Variants in DLGAP2 observed in about 807,000 individuals in gnomAD.
DLGAP2 encodes the protein DLG associated protein 2.
DLGAP2 carries 26 observed loss-of-function variants against 100.3 expected under a neutral mutation model. That is an observed-to-expected ratio of 0.26 (90% CI 0.19 to 0.36). The LOEUF is 0.36. Ranked by LOEUF, DLGAP2 falls within the 10% of genes least tolerant of loss-of-function variation. DLGAP2 has a pLI of 1.00. For synonymous variants in DLGAP2, 886 were observed against 630.1 expected (o/e 1.41, Z -6.08); for missense variants, 1,858 against 1,453.2 (o/e 1.28, Z -4.53).
At chr8:1,650,771 G>A (rs1189803554) in intron 8 of DLGAP2, among the ~76,000 whole-genome samples, 2 of 148,590 alleles carry the variant, frequency 1.3e-5, no homozygotes, top group Non-Finnish European at 3.0e-5. Flanking sequence ...AAGCTTGGGT[G>A]GCAGTTGCTG....
intron 6 of DLGAP2, among the ~76,000 whole-genome samples, chr8:1,584,709 G>T (rs1381479482): frequency 6.6e-6 from 1 of 152,132 alleles, no homozygotes; most frequent in African/African-American, 2.4e-5. Flanking sequence ...CTTGGCACTT[G>T]CTCCTGGGGG....
intron 2 of DLGAP2, among the ~76,000 whole-genome samples, chr8:1,121,643 A>T (rs1163858714): frequency 6.6e-6 from 1 of 151,766 alleles, no homozygotes; most frequent in Non-Finnish European, 1.5e-5. Flanking sequence ...AGAACCCCTG[A>T]TCACCCATCC....
Position 840,610 on chromosome 8 carries a change from GAGCGCGTCCACACGGTGCACGCCTGCA to G in DLGAP2, c.19-67301_19-67275del, listed in dbSNP as rs1563058272. Among the ~76,000 whole-genome samples the G allele has an allele frequency of 3.4e-4, 31 of 90,914 alleles. 1 individual carries two copies. The highest frequency in any genetic ancestry group is 6.4e-4 in the Non-Finnish European group (25 of 38,956). 59.6% of individuals were successfully genotyped at this position (90,914 alleles called of 152,430 possible). A position where few individuals can be genotyped will look rare whatever the true frequency, so the allele number is the denominator to read the frequency against. ...CGTCTCCCCACACTCTGGATTCTGCGAGCGCGTCCACACGGTGCACGCCTGCATGTCTCCCTACACTCTGGATTCTGC... is the reference window on the plus strand; with the variant it reads ...CGTCTCCCCACACTCTGGATTCTGCGTGTCTCCCTACACTCTGGATTCTGC... On this transcript the variant is annotated intron_variant, in intron 1 of 14. Transcript: ENST00000637795.
intron 5 of DLGAP2, among the ~76,000 whole-genome samples, chr8:1,556,820 A>G (rs777417229): frequency 2.0e-5 from 3 of 152,192 alleles, no homozygotes; most frequent in Admixed American, 6.5e-5. Flanking sequence ...TTCCCACCCA[A>G]GCTAAATTGT....
At chr8:1,101,392 G>A (rs1804573649) in intron 2 of DLGAP2, among the ~76,000 whole-genome samples, 1 of 152,172 alleles carries the variant, frequency 6.6e-6, no homozygotes, top group Non-Finnish European at 1.5e-5. Flanking sequence ...GCTACAAAGT[G>A]GATGAACCTT....
At chr8:1,108,636 C>G (rs562259002) in intron 2 of DLGAP2, among the ~76,000 whole-genome samples, 1 of 144,176 alleles carries the variant, frequency 6.9e-6, no homozygotes, top group East Asian at 2.1e-4. Flanking sequence ...ATGATGTGTG[C>G]ACGTGCCTAT....
chr8:1,151,180 G>T (rs1435501338), intron 2 of DLGAP2, among the ~76,000 whole-genome samples: 1 of 152,190 alleles, frequency 6.6e-6, no homozygotes, highest in Non-Finnish European at 1.5e-5. Flanking sequence ...TGCAGAGGAA[G>T]AAAAACTTTT....
intron 3 of DLGAP2, chr8:1,302,148 C>T (rs879729165): frequency 2.0e-5 from 3 of 152,516 alleles, no homozygotes; most frequent in Admixed American, 1.3e-4. Context: ...GGACGGGACT[C>T]GGCATTTTCT....
chr8:787,634 C>T (rs377643192), intron 1 of DLGAP2, among the ~76,000 whole-genome samples: 13 of 152,300 alleles, frequency 8.5e-5, no homozygotes, highest in Middle Eastern at 3.4e-3. Flanking sequence ...TTCCACCAGC[C>T]GGTGGCCTCT....
chr8:768,956 C>T (rs969563452), intron 1 of DLGAP2, among the ~76,000 whole-genome samples: 1 of 152,108 alleles, frequency 6.6e-6, no homozygotes, highest in African/African-American at 2.4e-5. Flanking sequence ...TGGGCGTCCG[C>T]AGCCTGTGTG....
intron 3 of DLGAP2, among the ~76,000 whole-genome samples, chr8:1,453,098 A>C (rs1358719826): frequency 6.6e-6 from 1 of 152,098 alleles, no homozygotes; most frequent in Non-Finnish European, 1.5e-5. Context: ...AATCCCTTGT[A>C]GAGGAGACTG....
chr8:1,684,665 G>A (rs904587296), intron 12 of DLGAP2, among the ~76,000 whole-genome samples: 9 of 152,106 alleles, frequency 5.9e-5, no homozygotes, highest in African/African-American at 2.2e-4. Context: ...TCACATTAAT[G>A]CAGGCTGCCT....
intron 2 of DLGAP2, among the ~76,000 whole-genome samples, chr8:1,102,995 G>GTCTGTGGTTCCCTATGAGTCTCTGGAGTC (rs1405261201): frequency 6.6e-6 from 1 of 151,762 alleles, no homozygotes; most frequent in African/African-American, 2.4e-5. Context: ...GTCTTCGTGA[G>GTCTGTGGTTCCCTATGAGTCTCTGGAGTC]TCTGTGGTTC....
At chr8:1,378,141 T>G (rs1472136535) in intron 3 of DLGAP2, 2 of 161,006 alleles carry the variant, frequency 1.2e-5, no homozygotes, top group African/African-American at 2.4e-5. Context: ...GTATGCCGTA[T>G]GTCTGACTTT....
chr8:1,093,179 C>A (rs144352445), intron 2 of DLGAP2, among the ~76,000 whole-genome samples: 177 of 152,308 alleles, frequency 1.2e-3, no homozygotes, highest in Non-Finnish European at 2.2e-3. Flanking sequence ...CACCCACAGT[C>A]CACCAATCTA....
chr8:1,284,602 T>C (rs950803961), intron 3 of DLGAP2, among the ~76,000 whole-genome samples: 2 of 152,222 alleles, frequency 1.3e-5, no homozygotes, highest in African/African-American at 2.4e-5. Flanking sequence ...ACATTTTTCC[T>C]ATCTTGTTCA....
intron 3 of DLGAP2, among the ~76,000 whole-genome samples, chr8:1,302,824 G>A (rs192589281): frequency 5.4e-4 from 82 of 152,390 alleles, no homozygotes; most frequent in African/African-American, 1.8e-3. Flanking sequence ...GGAGGCCCAC[G>A]CCTGACGGCG....
At chr8:1,196,466 G>A (rs751230758) in intron 2 of DLGAP2, among the ~76,000 whole-genome samples, 4 of 152,134 alleles carry the variant, frequency 2.6e-5, no homozygotes, top group Non-Finnish European at 5.9e-5. Flanking sequence ...TGCCCCCGAA[G>A]GAAATATTCG....
intron 10 of DLGAP2, among the ~76,000 whole-genome samples, chr8:1,670,316 C>T (rs552568334): frequency 6.6e-6 from 1 of 152,370 alleles, no homozygotes; most frequent in South Asian, 2.1e-4. Context: ...CTGCCCCGCC[C>T]ACAGCCAGGA....
Sources: gnomAD v4.1 joint callset for allele counts (sites outside exome capture counted in the v4.1 genomes callset) on GRCh38, gnomAD v4.1.1 for gene constraint, MANE v1.5 for transcripts, NCBI Gene and HGNC (gene_info 2026-07-23, HGNC 2026-07-21) for gene names.